Variants in TAB1 observed in about 807,000 individuals in gnomAD.
TAB1 encodes the protein TGF-beta-activated kinase 1 and MAP3K7-binding protein 1.
Under a neutral mutation model 54.5 loss-of-function variants are expected in TAB1, and 30 were observed. The ratio of observed to expected loss-of-function variants is 0.55; its 90% confidence interval spans 0.41 to 0.75. TAB1 has a LOEUF of 0.75. Ranked by LOEUF, TAB1 falls within the 30% of genes least tolerant of loss-of-function variation. TAB1 has a pLI of 0.00. For missense variants in TAB1, 609 were observed against 683.2 expected (o/e 0.89, Z 1.21); for synonymous variants, 289 against 286.9 (o/e 1.01, Z -0.07).
At chr22:39,401,375 C>T (rs1050132910) in intron 1 of TAB1, among the ~76,000 whole-genome samples, 2 of 152,160 alleles carry the variant, frequency 1.3e-5, no homozygotes, top group Admixed American at 1.3e-4. Flanking sequence ...GTCTTGTTAC[C>T]GAGTTGGCAT....
chr22:39,408,798 G>A (rs1926487191), intron 1 of TAB1, among the ~76,000 whole-genome samples: 1 of 152,218 alleles, frequency 6.6e-6, no homozygotes, highest in Non-Finnish European at 1.5e-5. Flanking sequence ...ACCGTGCCTG[G>A]CCTCACTGGC....
chr22:39,416,282 G>A (rs552666066), intron 3 of TAB1, among the ~76,000 whole-genome samples: 3 of 152,340 alleles, frequency 2.0e-5, no homozygotes, highest in South Asian at 2.1e-4. Flanking sequence ...AGGTGTCAGT[G>A]TCACCAGTGT....
chr22:39,435,690 G>A (rs936417805), downstream of TAB1, among the ~76,000 whole-genome samples: 6 of 152,194 alleles, frequency 3.9e-5, no homozygotes, highest in Non-Finnish European at 5.9e-5. Flanking sequence ...TGACATCACA[G>A]GTGTGAGCAG....
intron 4 of TAB1, 94 bp downstream of exon 4, chr22:39,416,971 G>T: frequency 1.6e-6 from 2 of 1,259,222 alleles, no homozygotes; most frequent in Non-Finnish European, 2.3e-6. Context: ...TACTGGGCCA[G>T]AGCAACAGGC....
rs776127831 is a variant in TAB1 at position 39,417,844 on chromosome 22, A to G, written c.545A>G (p.Asn182Ser). The change falls in exon 5 of 11, where the codon AAT becomes AGT. Residue 182 changes from asparagine to serine, a missense_variant. Coordinates refer to ENST00000216160, the MANE Select transcript of TAB1 (RefSeq NM_006116.3). ...CTCAACAACAAGCTCTACGTCGCCA[A>G]TGTCGGTGAGCCCCCTCCTGTCCCA... ...VLLNNKLYVA[N>S]VGTNRALLCK... 6.8e-6 allele frequency: 11 copies of G among 1,606,022 alleles called. No individual in the cohort carries two copies. Among genetic ancestry groups the G allele is most frequent in the South Asian group, 5.6e-5 (5 of 89,574 alleles).
At chr22:39,426,630 C>G in intron 8 of TAB1, 73 bp from the exon 9 acceptor site, 1 of 1,363,766 alleles carries the variant, frequency 7.3e-7, no homozygotes, top group South Asian at 1.4e-5. Flanking sequence ...TGATTTTAGG[C>G]TCCAAGATTA....
intron 1 of TAB1, 44 bp downstream of exon 1, chr22:39,399,879 G>A (rs1260383306): frequency 6.4e-7 from 1 of 1,569,958 alleles, no homozygotes; most frequent in African/African-American, 1.4e-5. Flanking sequence ...TGGGAGCCTG[G>A]GCGGGGGTGC....
At chr22:39,425,711 TA>T (rs1377537106) in intron 8 of TAB1, among the ~76,000 whole-genome samples, 111 of 150,884 alleles carry the variant, frequency 7.4e-4, no homozygotes, top group African/African-American at 2.6e-3. Context: ...CACGCCCGGC[TA>T]ATTTTTTGTA....
At chr22:39,429,743 A>C (rs937605446) in intron 10 of TAB1, 19 of 874,262 alleles carry the variant, frequency 2.2e-5, no homozygotes, top group African/African-American at 1.8e-5. Flanking sequence ...TGGCCTCCCA[A>C]AGTGCTGGGA....
intron 8 of TAB1, among the ~76,000 whole-genome samples, chr22:39,424,436 T>TTC: frequency 6.6e-6 from 1 of 150,730 alleles, no homozygotes; most frequent in African/African-American, 2.4e-5. Context: ...GTGTTCTGAT[T>TTC]TCTTTTTTTT....
In TAB1 at chr22:39,428,133, C is replaced by G. The variant is rs557286549; in HGVS notation, c.1257C>G (p.Asn419Lys). The G allele has an allele frequency of 6.2e-7, 1 of 1,613,552 alleles. No individual in the cohort carries two copies. Among genetic ancestry groups the G allele is most frequent in the African/African-American group, 1.3e-5 (1 of 74,932 alleles). ...TGCCCTCCCAGGGCCAGATGGTCAA[C>G]GGGGCTCACAGTGCTTCCACCCTGG... ...LVMPSQGQMV[N>K]GAHSASTLDE... Residue 419 changes from asparagine (N) to lysine (K), a missense_variant, in exon 10 of 11, where the codon AAC (asparagine) becomes AAG (lysine). Coordinates refer to ENST00000216160, the MANE Select transcript of TAB1 (RefSeq NM_006116.3).
chr22:39,420,049 C>T (rs1326176488), intron 7 of TAB1, among the ~76,000 whole-genome samples: 1 of 152,178 alleles, frequency 6.6e-6, no homozygotes, highest in African/African-American at 2.4e-5. Context: ...ATGGACAGAC[C>T]AGGCCTGTTG....
At chr22:39,426,470 G>A (rs1244863205) in intron 8 of TAB1, among the ~76,000 whole-genome samples, 1 of 152,206 alleles carries the variant, frequency 6.6e-6, no homozygotes, top group Non-Finnish European at 1.5e-5. Context: ...CTAGAGGTGT[G>A]CACCCAACAA....
chr22:39,430,572 A>G lies in TAB1; in HGVS notation c.*350A>G, dbSNP rs1317418750. 6.8e-6 allele frequency: 8 copies of G among 1,171,148 alleles called. No individual in the cohort carries two copies. Among genetic ancestry groups the G allele is most frequent in the Non-Finnish European group, 8.5e-6 (8 of 936,164 alleles). The allele number at this position is 1,171,148 out of a possible 1,614,324, so 72.5% of individuals were successfully genotyped here. ...ACAGAGCAGGAAGAGGCGCCCTGTGAACCCTGAGTGTTGCAGGCCCAGCAG... is the reference window on the plus strand; with the variant it reads ...ACAGAGCAGGAAGAGGCGCCCTGTGGACCCTGAGTGTTGCAGGCCCAGCAG... On this transcript the variant is annotated 3_prime_UTR_variant, in exon 11 of 11. Transcript: ENST00000216160.
In TAB1 at chr22:39,426,270, T is replaced by A. The variant is rs1927330727; in HGVS notation, c.922-433T>A. On this transcript the variant is annotated intron_variant, in intron 8 of 10. Coordinates refer to ENST00000216160, the MANE Select transcript of TAB1 (RefSeq NM_006116.3). The stretch of plus-strand genomic sequence containing the variant: ...TTCTCTGAGGTCAGGGACCCTGTTT[T>A]CATTCTGTATCCCCAGTTCCTGACA... Among the ~76,000 whole-genome samples the A allele has an allele frequency of 2.0e-5, 3 of 152,350 alleles. No individual in the cohort carries two copies. The South Asian group carries it at 6.2e-4, about 32-fold the overall frequency.
Position 39,430,267 on chromosome 22 carries a change from G to T in TAB1, c.*45G>T, listed in dbSNP as rs373217054. 129 of 1,602,114 alleles carry T rather than the reference G, an allele frequency of 8.1e-5. No individual in the cohort carries two copies. The highest frequency in any genetic ancestry group is 1.0e-4 in the Non-Finnish European group (121 of 1,178,150). ...CCAAGCAGGGCCTGGCATGGGGCAG[G>T]ACAGGGTCCAGCCTTTTCCTAACAT... On this transcript the variant is annotated 3_prime_UTR_variant, in exon 11 of 11. Coordinates refer to ENST00000216160, the MANE Select transcript of TAB1 (RefSeq NM_006116.3).
At chr22:39,434,575 A>C (rs1927716302), downstream of TAB1, among the ~76,000 whole-genome samples, 2 of 152,180 alleles carry the variant, frequency 1.3e-5, no homozygotes, top group Non-Finnish European at 2.9e-5. Context: ...GTCAGCCCCG[A>C]GCAGAGACAG....
Position 39,416,730 on chromosome 22 carries a change from T to C in TAB1, c.325-61T>C. The C allele has an allele frequency of 3.3e-6, 5 of 1,496,832 alleles. No homozygotes were observed. In the African/African-American group the frequency reaches 4.1e-5, roughly 12 times the overall value. The allele number at this position is 1,496,832 out of a possible 1,614,324, so 92.7% of individuals were successfully genotyped here. A position where few individuals can be genotyped will look rare whatever the true frequency, so the allele number is the denominator to read the frequency against. On this transcript the variant is annotated intron_variant, in intron 3 of 10. Coordinates refer to ENST00000216160, the MANE Select transcript of TAB1 (RefSeq NM_006116.3). ...CTGCTGCTCTGATTAATAGAGGACA[T>C]TTTGGCACCAGTGACAGTGGTGTTT... is the stretch of plus-strand genomic sequence containing the variant.
chr22:39,425,103 TGGC>T (rs1927262485), intron 8 of TAB1, among the ~76,000 whole-genome samples: 1 of 152,022 alleles, frequency 6.6e-6, no homozygotes, highest in African/African-American at 2.4e-5. Flanking sequence ...CTGGGCGTGG[TGGC>T]TCACGCCTGT....
Sources: allele counts gnomAD v4.1 joint callset (sites outside exome capture counted in the v4.1 genomes callset), GRCh38; gene constraint gnomAD v4.1.1; transcripts MANE v1.5; gene names NCBI Gene and HGNC (gene_info 2026-07-23, HGNC 2026-07-21).